ATR: variants seen among roughly 807,000 people sequenced by gnomAD.
ATR encodes serine/threonine-protein kinase ATR.
ATR carries 142 observed loss-of-function variants against 305.3 expected under a neutral mutation model. The observed-to-expected ratio is 0.47, with a 90% CI of 0.41 to 0.53. ATR has a LOEUF of 0.53. ATR is among the 20% of genes least tolerant of loss of function. ATR has a pLI of 0.00. For missense variants in ATR, 2,135 were observed against 3,133.1 expected (o/e 0.68, Z 7.60); for synonymous variants, 1,050 against 1,068.1 (o/e 0.98, Z 0.33).
intron 5 of ATR, among the ~76,000 whole-genome samples, chr3:142,560,709 A>C (rs534700142): frequency 1.3e-5 from 2 of 152,026 alleles, no homozygotes; most frequent in Non-Finnish European, 2.9e-5. Flanking sequence ...TACAGGCGCC[A>C]ACCACCACGC....
rs761240123 is a variant in ATR at position 142,459,058 on chromosome 3, C to A, written c.7403G>T (p.Gly2468Val). The A allele has an allele frequency of 6.2e-7, 1 of 1,614,010 alleles. No homozygotes were observed. Among genetic ancestry groups the A allele is most frequent in the African/African-American group, 1.3e-5 (1 of 75,030 alleles). Residue 2468 changes from glycine to valine, a missense_variant, in exon 44 of 47, where the codon GGT (glycine) becomes GTT (valine). Around this residue, in one of 9 missense-constraint regions of ATR, gnomAD observed 462 missense variants for 887.6 expected, o/e 0.52. Coordinates refer to ENST00000350721, the MANE Select transcript of ATR (RefSeq NM_001184.4). ...CRSTAVMSMV[G>V]YILGLGDRHG... The stretch of plus-strand genomic sequence containing the variant: ...ACGGTCTCCAAGCCCCAGAATATAA[C>A]CAACCATTGACATTACTGCAGTGGA...
At chr3:142,507,743 T>C (rs1490217986) in intron 28 of ATR, among the ~76,000 whole-genome samples, 188 bp downstream of exon 28, 8 of 152,174 alleles carry the variant, frequency 5.3e-5, no homozygotes, top group Non-Finnish European at 1.5e-5. Context: ...ATGAGTTAAG[T>C]GTCCTTCCTC....
chr3:142,450,386 T>C, intron 46 of ATR: 1 of 1,540,566 alleles, frequency 6.5e-7, no homozygotes, highest in Non-Finnish European at 8.9e-7. Flanking sequence ...CAGACCTTTA[T>C]CAAAATGGGG....
At chr3:142,475,629 G>A (rs891575517) in intron 36 of ATR, among the ~76,000 whole-genome samples, 7 of 152,150 alleles carry the variant, frequency 4.6e-5, no homozygotes, top group African/African-American at 1.7e-4. Context: ...GGGATGGCTA[G>A]GTCAAATGGT....
chr3:142,577,069 C>T (rs1372005903), intron 1 of ATR, among the ~76,000 whole-genome samples: 1 of 151,972 alleles, frequency 6.6e-6, no homozygotes, highest in Non-Finnish European at 1.5e-5. Flanking sequence ...ACACTTGTTT[C>T]ATTCTATGTC....
In ATR at chr3:142,561,330, C is replaced by T. The variant is rs780461293; in HGVS notation, c.1262G>A (p.Ser421Asn). ...IQCQTQQENLSSNSDGISPKR... is the reference protein window; with the variant it reads ...IQCQTQQENLNSNSDGISPKR... ...GGGTGATATTCCATCACTATTACTG[C>T]TGAGGTTTTCCTGTTGAGTTTGGCA... The change falls in exon 5 of 47, where the codon AGC (serine) becomes AAC (asparagine). Residue 421 changes from serine to asparagine, a missense_variant. Transcript: ENST00000350721. 1.9e-6 allele frequency: 3 copies of T among 1,614,046 alleles called. No individual in the cohort carries two copies. The South Asian group carries it at 3.3e-5, about 18-fold the overall frequency.
chr3:142,486,485 T>C (rs1175594304), intron 35 of ATR, among the ~76,000 whole-genome samples: 2 of 152,006 alleles, frequency 1.3e-5, no homozygotes, highest in East Asian at 3.8e-4. Context: ...TCCTTCCTCC[T>C]CCCTCTCTCA....
intron 32 of ATR, among the ~76,000 whole-genome samples, chr3:142,497,701 A>G (rs1293911160): frequency 1.3e-5 from 2 of 152,178 alleles, no homozygotes; most frequent in Non-Finnish European, 2.9e-5. Flanking sequence ...ACTAAATTCA[A>G]ATGTATGAAA....
chr3:142,515,888 C>T (rs1018435456), intron 24 of ATR, among the ~76,000 whole-genome samples: 14 of 152,256 alleles, frequency 9.2e-5, no homozygotes, highest in Admixed American at 9.2e-4. Context: ...TCAGGGTTTT[C>T]TTTCTTCCCA....
At chr3:142,558,934 C>A in intron 7 of ATR, 158 bp from the exon 8 acceptor site, 2 of 742,302 alleles carry the variant, frequency 2.7e-6, no homozygotes, top group Non-Finnish European at 4.2e-6. Context: ...GGTCTGTGAA[C>A]CCAAAGAAAT....
chr3:142,452,436 A>G, intron 46 of ATR: 1 of 977,480 alleles, frequency 1.0e-6, no homozygotes, highest in South Asian at 4.7e-5. Context: ...GCATTTTGGG[A>G]TGCTGAGGTG....
intron 23 of ATR, 55 bp downstream of exon 23, chr3:142,522,673 C>G (rs141096740): frequency 1.4e-6 from 2 of 1,387,816 alleles, no homozygotes; most frequent in African/African-American, 1.4e-5. Context: ...GAATTTACAA[C>G]GTTCTTATTT....
intron 22 of ATR, among the ~76,000 whole-genome samples, chr3:142,523,064 C>T (rs913300222): frequency 5.3e-5 from 8 of 152,056 alleles, no homozygotes; most frequent in African/African-American, 1.7e-4. Flanking sequence ...CTAAGGTGTA[C>T]AAAAAATTAT....
chr3:142,508,011 A>G lies in ATR; in HGVS notation c.4951T>C (p.Tyr1651His). The G allele has an allele frequency of 6.2e-7, 1 of 1,613,578 alleles. No individual in the cohort carries two copies. The highest frequency in any genetic ancestry group is 8.5e-7 in the Non-Finnish European group (1 of 1,179,738). ...TCAAAGTGCATTACAGCTCGTGTGT[A>G]TGCTTTGGAGCGAAAGGAAGCTACT... ...LAVASFRSKAYTRAVMHFESF... is the reference protein window; with the variant it reads ...LAVASFRSKAHTRAVMHFESF... The change falls in exon 28 of 47, where the codon TAC becomes CAC. Residue 1651 changes from tyrosine to histidine, a missense_variant. Tyr to His is a moderately conservative substitution (Grantham distance 83, BLOSUM62 2). This residue lies in a region of ATR where 45 missense variants were observed against 80.4 expected (regional missense o/e 0.56). Transcript: ENST00000350721.
At position 142,556,419 on chromosome 3, in the gene ATR, T is replaced by C. The variant is rs1406549995; in HGVS notation, c.2042A>G (p.Gln681Arg). ...CVSGFFILLQ[Q>R]QNSCNRVPKI... Reference sequence around the variant, plus strand: ...GGGAACTCTGTTACAAGAATTCTGCTGCTGCAATAAGATAAAAAATCCACT... The same window carrying C: ...GGGAACTCTGTTACAAGAATTCTGCCGCTGCAATAAGATAAAAAATCCACT... Residue 681 changes from glutamine (Q) to arginine (R), a missense_variant, in exon 9 of 47, where the codon CAG (glutamine) becomes CGG (arginine). Around this residue, in one of 9 missense-constraint regions of ATR, gnomAD observed 744 missense variants for 873.2 expected, o/e 0.85. Coordinates refer to ENST00000350721, the MANE Select transcript of ATR (RefSeq NM_001184.4). The C allele has an allele frequency of 6.2e-7, 1 of 1,614,148 alleles. No individual in the cohort carries two copies.
At chr3:142,482,827 G>C (rs1261437768) in intron 36 of ATR, among the ~76,000 whole-genome samples, 1 of 142,358 alleles carries the variant, frequency 7.0e-6, no homozygotes, top group Non-Finnish European at 1.5e-5. Flanking sequence ...GTGATACTTT[G>C]TCAATTAAAA....
Position 142,513,547 on chromosome 3 carries a change from A to G in ATR, c.4595T>C (p.Ile1532Thr). The change falls in exon 26 of 47, where the codon ATT (isoleucine) becomes ACT (threonine). Residue 1532 changes from isoleucine to threonine, a missense_variant. Physicochemically the swap from Ile to Thr is moderately conservative, Grantham distance 89. This residue lies in a region of ATR where 202 missense variants were observed against 252.9 expected (regional missense o/e 0.80). Coordinates refer to ENST00000350721, the MANE Select transcript of ATR (RefSeq NM_001184.4). The part of the protein sequence containing the change: ...FKVTIYLLPH[I>T]LVYVLLGCNQ... ...ACAACCCAGTAAGACATACACCAGAATATGTGGAAGAAGATAGATGGTCAC... is the reference window on the plus strand; with the variant it reads ...ACAACCCAGTAAGACATACACCAGAGTATGTGGAAGAAGATAGATGGTCAC... 2 of 1,613,292 alleles carry G rather than the reference A, an allele frequency of 1.2e-6. No homozygotes were observed. The highest frequency in any genetic ancestry group is 1.1e-5 in the South Asian group (1 of 91,072).
chr3:142,470,143 G>A lies in ATR; in HGVS notation c.6262C>T (p.Pro2088Ser), dbSNP rs2108280768. 6.2e-7 allele frequency: 1 copy of A among 1,610,582 alleles called. No individual in the cohort carries two copies. ...YGNQFIYQSM[P>S]RMLTLWLDYG... Reference sequence around the variant, plus strand: ...TCAAGCCATAGAGTTAACATTCGTGGCATTGACTGATATATGAACTGATTT... The same window carrying A: ...TCAAGCCATAGAGTTAACATTCGTGACATTGACTGATATATGAACTGATTT... The change falls in exon 37 of 47, where the codon CCA becomes TCA. Residue 2088 changes from proline (P) to serine (S), a missense_variant. By Grantham distance (74) the Pro-to-Ser change is moderately conservative. Around this residue, in one of 9 missense-constraint regions of ATR, gnomAD observed 462 missense variants for 887.6 expected, o/e 0.52. Transcript: ENST00000350721.
intron 21 of ATR, among the ~76,000 whole-genome samples, chr3:142,529,371 G>A (rs1400025356): frequency 6.6e-6 from 1 of 151,884 alleles, no homozygotes; most frequent in Non-Finnish European, 1.5e-5. Flanking sequence ...AACAATTACT[G>A]AGCTTATCTT....
Sources: allele counts gnomAD v4.1 joint callset (sites outside exome capture counted in the v4.1 genomes callset), GRCh38; gene constraint gnomAD v4.1.1; regional missense constraint gnomAD v4.1.1; transcripts MANE v1.5; gene names NCBI Gene and HGNC (gene_info 2026-07-23, HGNC 2026-07-21).